SORCS3: variants seen among roughly 807,000 people sequenced by gnomAD.
SORCS3 encodes sortilin related VPS10 domain containing receptor 3.
Under a neutral mutation model 146.3 loss-of-function variants are expected in SORCS3, and 57 were observed. That is an observed-to-expected ratio of 0.39 (90% CI 0.31 to 0.49). The LOEUF (loss-of-function observed/expected upper bound fraction) is 0.49. Among genes scored for constraint, SORCS3 ranks in the 20% least tolerant of loss-of-function variants. The pLI is 0.92. For missense variants in SORCS3, 1,341 were observed against 1,575.5 expected (o/e 0.85, Z 2.52); for synonymous variants, 653 against 618.5 (o/e 1.06, Z -0.83).
chr10:104,821,913 T>C (rs970891546), intron 1 of SORCS3, among the ~76,000 whole-genome samples: 5 of 152,172 alleles, frequency 3.3e-5, no homozygotes, highest in Non-Finnish European at 7.4e-5. Context: ...CAGAGCCAGG[T>C]ACATAGTAGG....
At chr10:104,721,452 C>T (rs1039382779) in intron 1 of SORCS3, among the ~76,000 whole-genome samples, 71 of 152,206 alleles carry the variant, frequency 4.7e-4, no homozygotes, top group East Asian at 3.7e-3. Context: ...ATTGACTTGG[C>T]AATGCGGGCT....
At chr10:105,158,354 G>T (rs1211395850) in intron 10 of SORCS3, among the ~76,000 whole-genome samples, 1 of 152,150 alleles carries the variant, frequency 6.6e-6, no homozygotes, top group African/African-American at 2.4e-5. Context: ...GACTTATATA[G>T]GTTTTAGATG....
At chr10:104,768,627 T>C (rs763344384) in intron 1 of SORCS3, among the ~76,000 whole-genome samples, 3 of 152,140 alleles carry the variant, frequency 2.0e-5, no homozygotes, top group Non-Finnish European at 4.4e-5. Context: ...CTTGAAGAAA[T>C]TGGTGAAGCT....
intron 1 of SORCS3, among the ~76,000 whole-genome samples, chr10:104,746,941 A>G (rs1183971042): frequency 6.6e-6 from 1 of 152,206 alleles, no homozygotes; most frequent in African/African-American, 2.4e-5. Flanking sequence ...CAGAATGACT[A>G]TGAGAAACAA....
At chr10:105,220,228 C>T (rs2056692398) in intron 19 of SORCS3, among the ~76,000 whole-genome samples, 1 of 152,122 alleles carries the variant, frequency 6.6e-6, no homozygotes, top group Non-Finnish European at 1.5e-5. Context: ...AGAATCTTTG[C>T]CCTAAAAAAA....
At chr10:104,727,688 G>T (rs2016654427) in intron 1 of SORCS3, among the ~76,000 whole-genome samples, 1 of 152,072 alleles carries the variant, frequency 6.6e-6, no homozygotes, top group Non-Finnish European at 1.5e-5. Context: ...CTGTAGACCA[G>T]TATCAGTCCG....
At chr10:104,970,603 A>G (rs759279757) in intron 3 of SORCS3, among the ~76,000 whole-genome samples, 38 of 152,170 alleles carry the variant, frequency 2.5e-4, no homozygotes, top group Non-Finnish European at 4.7e-4. Flanking sequence ...TGATTACTCT[A>G]AGAGTATTTC....
chr10:104,940,233 T>TAC (rs1564717933), intron 3 of SORCS3, among the ~76,000 whole-genome samples: 4 of 17,556 alleles, frequency 2.3e-4, no homozygotes, highest in South Asian at 5.9e-3. Flanking sequence ...TATATATATA[T>TAC]ATATATTTTT....
chr10:105,009,712 T>A (rs2055121223), intron 4 of SORCS3, among the ~76,000 whole-genome samples: 1 of 152,052 alleles, frequency 6.6e-6, no homozygotes, highest in Non-Finnish European at 1.5e-5. Flanking sequence ...ATAATTCAAA[T>A]TTTTCAATAA....
intron 1 of SORCS3, among the ~76,000 whole-genome samples, chr10:104,781,942 G>A (rs1443935555): frequency 6.6e-6 from 1 of 152,214 alleles, no homozygotes; most frequent in Non-Finnish European, 1.5e-5. Context: ...ATGGAATTAA[G>A]ATGGAGTTAC....
chr10:105,189,382 C>T (rs576314553), intron 14 of SORCS3, among the ~76,000 whole-genome samples: 3 of 152,246 alleles, frequency 2.0e-5, no homozygotes, highest in East Asian at 1.9e-4. Context: ...GGGAATGCCA[C>T]GTCTTAGCAC....
intron 1 of SORCS3, among the ~76,000 whole-genome samples, chr10:104,728,453 T>A (rs990402344): frequency 3.9e-5 from 6 of 152,298 alleles, no homozygotes; most frequent in African/African-American, 1.4e-4. Flanking sequence ...TGATCTGGAT[T>A]CTGGGAGTTT....
chr10:104,816,117 G>A (rs2017795355), intron 1 of SORCS3, among the ~76,000 whole-genome samples: 1 of 152,100 alleles, frequency 6.6e-6, no homozygotes, highest in South Asian at 2.1e-4. Context: ...AGTGGACTTA[G>A]CAGGTTAATG....
At chr10:105,105,599 A>G in intron 7 of SORCS3, 84 bp downstream of exon 7, 1 of 927,752 alleles carries the variant, frequency 1.1e-6, no homozygotes, top group Non-Finnish European at 1.8e-6. Flanking sequence ...TGGCTTTCCC[A>G]AGGTTGTGAA....
intron 1 of SORCS3, among the ~76,000 whole-genome samples, chr10:104,678,654 G>T (rs548522853): frequency 3.0e-4 from 45 of 152,302 alleles, no homozygotes; most frequent in African/African-American, 1.1e-3. Context: ...GACCACATCT[G>T]TCCCAGTATT....
intron 1 of SORCS3, among the ~76,000 whole-genome samples, chr10:104,786,462 C>T (rs1052108632): frequency 6.6e-6 from 1 of 151,480 alleles, no homozygotes; most frequent in African/African-American, 2.4e-5. Context: ...GCAGGAGAAT[C>T]GCTTGGACCC....
At chr10:104,977,735 T>TC (rs1311215330) in intron 4 of SORCS3, among the ~76,000 whole-genome samples, 2 of 142,002 alleles carry the variant, frequency 1.4e-5, no homozygotes, top group Non-Finnish European at 3.1e-5. Flanking sequence ...CTTTTCTTTT[T>TC]TTTTTTTTTT....
In SORCS3 at chr10:104,986,914, A is replaced by G. The variant is rs185570933; in HGVS notation, c.954+9421A>G. On this transcript the variant is annotated intron_variant, in intron 4 of 26. Coordinates refer to ENST00000369701, the MANE Select transcript of SORCS3 (RefSeq NM_014978.3). ...TAATGAAAAAGTTTGCAATGTTGTG[A>G]GAATTCCAAAAATATGGTGTAGAAA... Among the ~76,000 whole-genome samples, 39 of 152,342 alleles carry G rather than the reference A, an allele frequency of 2.6e-4. No homozygotes were observed. The East Asian group carries it at 6.8e-3, about 26-fold the overall frequency.
intron 2 of SORCS3, among the ~76,000 whole-genome samples, chr10:104,859,538 C>T (rs1157351471): frequency 1.3e-5 from 2 of 152,156 alleles, no homozygotes; most frequent in Non-Finnish European, 2.9e-5. Context: ...ACACCAAAAG[C>T]AATGTCAACA....
Sources: gnomAD v4.1 joint callset for allele counts (sites outside exome capture counted in the v4.1 genomes callset) on GRCh38, gnomAD v4.1.1 for gene constraint, MANE v1.5 for transcripts, NCBI Gene and HGNC (gene_info 2026-07-23, HGNC 2026-07-21) for gene names.